The following SEC14L6 variants were observed in gnomAD, a reference collection of about 807,000 sequenced individuals.
SEC14L6 encodes SEC14 like lipid binding 6.
Under a neutral mutation model 54.1 loss-of-function variants are expected in SEC14L6, and 40 were observed. That is an observed-to-expected ratio of 0.74 (90% CI 0.57 to 0.96). The LOEUF (loss-of-function observed/expected upper bound fraction) is 0.96, where lower values mean the gene tolerates loss of function less well. SEC14L6 is among the 40% of genes least tolerant of loss of function. The probability of loss-of-function intolerance (pLI) is 0.00; values close to 1 mark genes in which losing one functional copy is unlikely to be tolerated. For synonymous variants in SEC14L6, 171 were observed against 198.4 expected (o/e 0.86, Z 1.16); for missense variants, 471 against 498.3 (o/e 0.95, Z 0.52).
chr22:30,532,635 T>C lies in SEC14L6; in HGVS notation c.313A>G (p.Ser105Gly), dbSNP rs1029195295. 5.2e-6 allele frequency: 8 copies of C among 1,550,626 alleles called. No homozygotes were observed. The highest frequency in any genetic ancestry group is 2.0e-5 in the Admixed American group (1 of 50,986). Residue 105 changes from serine to glycine, a missense_variant, in exon 5 of 12, where the codon AGC becomes GGC. Coordinates refer to ENST00000402034, the MANE Select transcript of SEC14L6 (RefSeq NM_001193336.4). ...GSPVWYHIVG[S>G]LDPKGLLLSA... is the part of the protein sequence containing the mutation. Reference sequence around the variant, plus strand: ...AGCAAGAGGCCTTTGGGGTCCAGGCTTCCCACAATGTGGTACCAGACAGGG... The same window carrying C: ...AGCAAGAGGCCTTTGGGGTCCAGGCCTCCCACAATGTGGTACCAGACAGGG...
intron 11 of SEC14L6, 101 bp downstream of exon 11, chr22:30,525,249 A>C: frequency 1.4e-6 from 2 of 1,445,344 alleles, no homozygotes; most frequent in Non-Finnish European, 1.9e-6. Flanking sequence ...CACTGTGCCC[A>C]CCAGAACCAA....
At chr22:30,538,295 TGC>T (rs1337585222) in intron 2 of SEC14L6, among the ~76,000 whole-genome samples, 6 of 148,626 alleles carry the variant, frequency 4.0e-5, no homozygotes, top group African/African-American at 1.5e-4. Flanking sequence ...ATCACGCCAC[TGC>T]ACTCCAGCCT....
chr22:30,537,534 G>T (rs1009531907), intron 2 of SEC14L6, among the ~76,000 whole-genome samples: 1 of 151,952 alleles, frequency 6.6e-6, no homozygotes, highest in African/African-American at 2.4e-5. Context: ...TGGGAGTATC[G>T]CTTGAGCCCA....
Position 30,538,753 on chromosome 22 carries a change from T to C in SEC14L6, c.130+74A>G, listed in dbSNP as rs1417822767. ...ATGGCTATGTTTTGGAGTAATTTGATACACTCAATAGATACCAAATACACT... is the reference window on the plus strand; with the variant it reads ...ATGGCTATGTTTTGGAGTAATTTGACACACTCAATAGATACCAAATACACT... On this transcript the variant is annotated intron_variant, in intron 2 of 11. Coordinates refer to ENST00000402034, the MANE Select transcript of SEC14L6 (RefSeq NM_001193336.4). 4 of 973,414 alleles carry C rather than the reference T, an allele frequency of 4.1e-6. No homozygotes were observed. In the East Asian group the frequency reaches 1.1e-4, roughly 26 times the overall value. The allele number at this position is 973,414 out of a possible 1,614,324, so 60.3% of individuals were successfully genotyped here.
intron 1 of SEC14L6, chr22:30,542,646 G>C: frequency 1.3e-6 from 2 of 1,512,244 alleles, no homozygotes. Context: ...CCTGCGCCTG[G>C]TCAGGAGTGG....
chr22:30,543,204 A>T, intron 1 of SEC14L6: 1 of 1,603,824 alleles, frequency 6.2e-7, no homozygotes. Context: ...TCCACAGCAC[A>T]GCCAATGTGG....
chr22:30,542,829 C>A (rs1485441175), intron 1 of SEC14L6: 13 of 1,596,420 alleles, frequency 8.1e-6, no homozygotes, highest in Non-Finnish European at 1.1e-5. Flanking sequence ...AAGAAGGCCA[C>A]TTCCCCCGGG....
At chr22:30,545,450 A>G (rs2085788910) in intron 1 of SEC14L6, among the ~76,000 whole-genome samples, 1 of 151,380 alleles carries the variant, frequency 6.6e-6, no homozygotes, top group African/African-American at 2.4e-5. Context: ...GCTGGAGTGC[A>G]GTGGCACGAT....
intron 3 of SEC14L6, chr22:30,533,128 G>T: frequency 1.0e-6 from 1 of 985,338 alleles, no homozygotes; most frequent in Non-Finnish European, 1.2e-6. Context: ...TGTTTCCCAT[G>T]CCCCCTCCCG....
intron 5 of SEC14L6, 163 bp from the exon 6 acceptor site, chr22:30,532,161 G>T (rs944872475): frequency 1.0e-6 from 1 of 985,434 alleles, no homozygotes; most frequent in Non-Finnish European, 1.2e-6. Context: ...GCCAGGACCG[G>T]AGTGACCCAA....
At position 30,533,994 on chromosome 22, in the gene SEC14L6, A is replaced by C; in HGVS notation, c.174+2T>G. On this transcript the variant is annotated splice_donor_variant, in intron 3 of 11. Transcript: ENST00000402034. LOFTEE classifies it high-confidence loss of function. ...CTAGGCAGGGGGAGGTGTCAACCTCACCTTCCTCAGCATGTCCTCTGATTT... is the reference window on the plus strand; with the variant it reads ...CTAGGCAGGGGGAGGTGTCAACCTCCCCTTCCTCAGCATGTCCTCTGATTT... 1.3e-6 allele frequency: 2 copies of C among 1,550,580 alleles called. No individual in the cohort carries two copies. The highest frequency in any genetic ancestry group is 1.7e-6 in the Non-Finnish European group (2 of 1,146,898).
chr22:30,541,478 G>A (rs2085709364), intron 1 of SEC14L6, among the ~76,000 whole-genome samples: 1 of 152,156 alleles, frequency 6.6e-6, no homozygotes, highest in Admixed American at 6.5e-5. Context: ...GGCCAACATG[G>A]CAAAACCCCG....
In SEC14L6 at chr22:30,532,789, A is replaced by G; in HGVS notation, c.234+8T>C. ...AGGGATCAGGGTATGGGTTTGAGAG[A>G]TGCTCACCTCTGGGGGCTGCCAGGC... On this transcript the variant is annotated splice_region_variant and intron_variant, in intron 4 of 11. Transcript: ENST00000402034. 1 of 1,612,530 alleles carries G rather than the reference A, an allele frequency of 6.2e-7. No homozygotes were observed. The highest frequency in any genetic ancestry group is 8.5e-7 in the Non-Finnish European group (1 of 1,179,426).
chr22:30,544,208 G>C, intron 1 of SEC14L6: 2 of 659,418 alleles, frequency 3.0e-6, no homozygotes, highest in South Asian at 4.2e-5. Context: ...TGGGACCCAG[G>C]GGCCAGGGTG....
intron 2 of SEC14L6, among the ~76,000 whole-genome samples, chr22:30,534,441 T>G (rs1189882781): frequency 1.3e-5 from 2 of 151,150 alleles, no homozygotes; most frequent in Non-Finnish European, 2.9e-5. Flanking sequence ...AGAAGGAGTC[T>G]CCCTCTGTCA....
chr22:30,534,134 T>G (rs910261140), intron 2 of SEC14L6, 95 bp from the exon 3 acceptor site: 1 of 1,205,578 alleles, frequency 8.3e-7, no homozygotes, highest in African/African-American at 1.5e-5. Flanking sequence ...CCAGGCCAGC[T>G]TTGTCTCCTG....
At chr22:30,532,493 G>C (rs529698329) in intron 5 of SEC14L6, 32 bp downstream of exon 5, 1 of 1,525,096 alleles carries the variant, frequency 6.6e-7, no homozygotes, top group Non-Finnish European at 8.8e-7. Context: ...TGCTGTGTCC[G>C]GCTGCAGCTG....
At chr22:30,530,876 C>G (rs1189282557) in intron 6 of SEC14L6, among the ~76,000 whole-genome samples, 3 of 152,090 alleles carry the variant, frequency 2.0e-5, no homozygotes, top group Non-Finnish European at 2.9e-5. Context: ...AAAGGAAGGT[C>G]AGGGGCTGGA....
chr22:30,545,901 G>T lies in SEC14L6; in HGVS notation c.54+728C>A, dbSNP rs377525192. Among the ~76,000 whole-genome samples the T allele has an allele frequency of 7.2e-5, 11 of 151,912 alleles. No homozygotes were observed. The East Asian group carries it at 2.0e-3, about 27-fold the overall frequency. On this transcript the variant is annotated intron_variant, in intron 1 of 11. Coordinates refer to ENST00000402034, the MANE Select transcript of SEC14L6 (RefSeq NM_001193336.4). The stretch of plus-strand genomic sequence containing the variant: ...GCTGGAGTGCAGTGGCAGAATCTTG[G>T]CCCACTGCAACCTCCACCTCCTGGG...
Sources: gnomAD v4.1 joint callset for allele counts (sites outside exome capture counted in the v4.1 genomes callset) on GRCh38, gnomAD v4.1.1 for gene constraint, MANE v1.5 for transcripts, NCBI Gene and HGNC (gene_info 2026-07-23, HGNC 2026-07-21) for gene names.